The following ASPH variants were observed in gnomAD, a reference collection of about 807,000 sequenced individuals.
The protein encoded by ASPH is aspartate beta-hydroxylase.
A neutral mutation model predicts 118.4 loss-of-function variants in ASPH; 100 were observed. That is an observed-to-expected ratio of 0.84 (90% CI 0.72 to 1.00). The LOEUF is 1.00. ASPH is among the 50% of genes least tolerant of loss of function. The probability of loss-of-function intolerance (pLI) is 0.00; values close to 1 mark genes in which losing one functional copy is unlikely to be tolerated. For missense variants in ASPH, 920 were observed against 919.5 expected (o/e 1.00, Z -0.01); for synonymous variants, 315 against 325.6 (o/e 0.97, Z 0.35).
chr8:61,514,103 C>T (rs2129616694), intron 24 of ASPH, among the ~76,000 whole-genome samples: 1 of 151,836 alleles, frequency 6.6e-6, no homozygotes, highest in East Asian at 1.9e-4. Context: ...GATCCTCCTG[C>T]CTCAGCCACT....
intron 3 of ASPH, chr8:61,661,397 T>G (rs1003633360): frequency 7.2e-5 from 11 of 152,250 alleles, no homozygotes; most frequent in African/African-American, 2.7e-4. Context: ...CAACATTGAC[T>G]GGTTCTCACA....
At chr8:61,632,743 T>C in intron 13 of ASPH, 1 of 333,332 alleles carries the variant, frequency 3.0e-6, no homozygotes, top group Non-Finnish European at 5.9e-6. Flanking sequence ...TAACTAAATA[T>C]ATTCTTTGAT....
chr8:61,710,982 G>A (rs139082428), intron 1 of ASPH, among the ~76,000 whole-genome samples: 27 of 152,256 alleles, frequency 1.8e-4, no homozygotes, highest in African/African-American at 6.3e-4. Context: ...AAACAAAAAG[G>A]CTGCTCAATC....
chr8:61,633,554 TA>T, intron 13 of ASPH, 128 bp downstream of exon 13: 1 of 761,560 alleles, frequency 1.3e-6, no homozygotes, highest in African/African-American at 1.8e-5. Flanking sequence ...AGAAAAATTC[TA>T]AATTAAGGTA....
chr8:61,675,736 C>A, intron 3 of ASPH: 1 of 1,068,016 alleles, frequency 9.4e-7, no homozygotes, highest in Non-Finnish European at 1.1e-6. Flanking sequence ...TTAACCACAA[C>A]ACAATTTGCT....
At chr8:61,505,716 A>G (rs574723281) in intron 24 of ASPH, among the ~76,000 whole-genome samples, 1 of 152,318 alleles carries the variant, frequency 6.6e-6, no homozygotes, top group South Asian at 2.1e-4. Context: ...GAAGGTTTTT[A>G]GAGTTCCATT....
intron 1 of ASPH, among the ~76,000 whole-genome samples, chr8:61,712,224 T>C (rs548193309): frequency 1.3e-5 from 2 of 152,290 alleles, no homozygotes; most frequent in African/African-American, 4.8e-5. Flanking sequence ...TAGAAGGAAA[T>C]GGTTCGCACA....
At chr8:61,584,624 TTTCTTTCC>T (rs138102729) in intron 14 of ASPH, among the ~76,000 whole-genome samples, 2 of 31,616 alleles carry the variant, frequency 6.3e-5, no homozygotes, top group Non-Finnish European at 1.4e-4. Context: ...TTCTTCTTTC[TTTCTTTCC>T]TTCTTTCTTT....
intron 3 of ASPH, among the ~76,000 whole-genome samples, 187 bp from the exon 4 acceptor site, chr8:61,653,847 T>A (rs1588710913): frequency 2.0e-5 from 3 of 152,254 alleles, no homozygotes; most frequent in Admixed American, 6.5e-5. Flanking sequence ...GCCTTGAATA[T>A]ATCTCTTTGT....
intron 15 of ASPH, among the ~76,000 whole-genome samples, chr8:61,581,477 C>G (rs1837507808): frequency 6.6e-6 from 1 of 152,196 alleles, no homozygotes; most frequent in Non-Finnish European, 1.5e-5. Flanking sequence ...AGATACATTC[C>G]TGCAGCTGCA....
intron 3 of ASPH, chr8:61,657,642 C>T (rs185357692): frequency 9.2e-5 from 14 of 152,182 alleles, no homozygotes; most frequent in Admixed American, 8.5e-4. Flanking sequence ...CAACTGGGCA[C>T]ATATTTGGCA....
In ASPH at chr8:61,652,744, ATGG is replaced by A. The variant is rs747542139; in HGVS notation, c.415+821_415+823del. Among the ~76,000 whole-genome samples, 4 of 152,296 alleles carry A rather than the reference ATGG, an allele frequency of 2.6e-5. No individual in the cohort carries two copies. In the South Asian group the frequency reaches 8.3e-4, roughly 32 times the overall value. ...AAAAGTTACTATCTATTCTGGAGCT[ATGG>A]TATGATCATAGCAATTCTACAGGAA... On this transcript the variant is annotated intron_variant, in intron 4 of 24. Coordinates refer to ENST00000379454, the MANE Select transcript of ASPH (RefSeq NM_004318.4).
intron 3 of ASPH, among the ~76,000 whole-genome samples, chr8:61,655,899 T>C (rs1255782469): frequency 6.6e-6 from 1 of 152,166 alleles, no homozygotes. Flanking sequence ...TATTACTGTA[T>C]CTCCTCCTCT....
intron 20 of ASPH, among the ~76,000 whole-genome samples, chr8:61,551,703 G>C (rs1294548701): frequency 6.6e-6 from 1 of 152,166 alleles, no homozygotes; most frequent in East Asian, 1.9e-4. Context: ...AAATTAATTA[G>C]TGATGATTAC....
rs985968896 is a variant in ASPH at position 61,696,221 on chromosome 8, G to A, written c.104-12033C>T. On this transcript the variant is annotated intron_variant, in intron 1 of 24. Coordinates refer to ENST00000379454, the MANE Select transcript of ASPH (RefSeq NM_004318.4). ...CTCTTGACTGTCCCTGTGTAGAAAG[G>A]CACCATGGCTGGAAGAATGACAAGG... is the stretch of plus-strand genomic sequence containing the variant. Among the ~76,000 whole-genome samples, 13 of 152,296 alleles carry A rather than the reference G, an allele frequency of 8.5e-5. 1 individual carries two copies. The South Asian group carries it at 2.1e-3, about 24-fold the overall frequency.
chr8:61,709,613 C>A (rs1280076200), intron 1 of ASPH, among the ~76,000 whole-genome samples: 1 of 152,146 alleles, frequency 6.6e-6, no homozygotes, highest in Non-Finnish European at 1.5e-5. Context: ...TATGTACATA[C>A]AGGGTTTATT....
chr8:61,702,805 T>C, intron 1 of ASPH, among the ~76,000 whole-genome samples: 1 of 152,166 alleles, frequency 6.6e-6, no homozygotes, highest in East Asian at 1.9e-4. Flanking sequence ...TGGTTTTAAA[T>C]TAGAGCATCT....
chr8:61,618,513 A>G (rs140311960), intron 14 of ASPH, among the ~76,000 whole-genome samples: 61 of 152,292 alleles, frequency 4.0e-4, no homozygotes, highest in South Asian at 3.3e-3. Flanking sequence ...ATGTTCTAGG[A>G]ATCTTTGGAT....
At chr8:61,529,196 C>T (rs1816629115) in intron 21 of ASPH, among the ~76,000 whole-genome samples, 1 of 152,166 alleles carries the variant, frequency 6.6e-6, no homozygotes, top group Non-Finnish European at 1.5e-5. Context: ...GAGAAGGTCA[C>T]ATTTAGGCAC....
Sources: allele counts gnomAD v4.1 joint callset (sites outside exome capture counted in the v4.1 genomes callset), GRCh38; gene constraint gnomAD v4.1.1; transcripts MANE v1.5; gene names NCBI Gene and HGNC (gene_info 2026-07-23, HGNC 2026-07-21).